The following SORBS2 variants were observed in gnomAD, a reference collection of about 807,000 sequenced individuals.
SORBS2 encodes the protein sorbin and SH3 domain-containing protein 2.
A neutral mutation model predicts 97.7 loss-of-function variants in SORBS2; 46 were observed. That is an observed-to-expected ratio of 0.47 (90% confidence interval 0.37 to 0.60). The LOEUF is 0.60. SORBS2 is among the 20% of genes least tolerant of loss of function. The pLI is 0.00. For missense variants in SORBS2, 1,316 were observed against 1,282.3 expected (o/e 1.03, Z -0.40); for synonymous variants, 476 against 473.4 (o/e 1.01, Z -0.07).
chr4:185,757,817 C>T (rs1327265150), intron 2 of SORBS2, among the ~76,000 whole-genome samples: 1 of 152,214 alleles, frequency 6.6e-6, no homozygotes, highest in African/African-American at 2.4e-5. Flanking sequence ...ATCTATACAA[C>T]TGGATGGAGA....
chr4:185,657,737 T>C (rs141221320), upstream of SORBS2: 1,018 of 765,768 alleles, frequency 1.3e-3, 5 homozygotes, highest in African/African-American at 0.016. Context: ...TTACTTTCCA[T>C]CTGAGCTGGT....
chr4:185,886,545 A>G (rs186348109), intron 1 of SORBS2, among the ~76,000 whole-genome samples: 58 of 122,338 alleles, frequency 4.7e-4, no homozygotes, highest in African/African-American at 1.7e-3. Context: ...ACAGAGCAAG[A>G]CTCTGTCTCA....
chr4:185,624,154 C>T (rs376629500), exon 7 of SORBS2: 5 of 1,614,270 alleles, frequency 3.1e-6, no homozygotes, highest in South Asian at 1.1e-5. Flanking sequence ...GGGACCCCCA[C>T]GCCATGGGGC....
intron 1 of SORBS2, among the ~76,000 whole-genome samples, chr4:185,831,281 G>A (rs981130228): frequency 6.6e-6 from 1 of 152,200 alleles, no homozygotes; most frequent in Non-Finnish European, 1.5e-5. Context: ...GGCAGAAGAA[G>A]AGCGGGTAGG....
intron 2 of SORBS2, among the ~76,000 whole-genome samples, chr4:185,688,496 A>T (rs62336140): frequency 7.8e-6 from 1 of 128,908 alleles, no homozygotes; most frequent in South Asian, 2.4e-4. Flanking sequence ...GTCTATTGAT[A>T]GATAGATAAA....
At chr4:185,784,172 C>T (rs562200404) in intron 1 of SORBS2, among the ~76,000 whole-genome samples, 23 of 152,180 alleles carry the variant, frequency 1.5e-4, no homozygotes, top group African/African-American at 5.5e-4. Flanking sequence ...GGATCTGTCG[C>T]CCAGGCTAGA....
intron 1 of SORBS2, among the ~76,000 whole-genome samples, chr4:185,886,156 T>C (rs907420414): frequency 4.6e-5 from 7 of 152,202 alleles, no homozygotes; most frequent in Non-Finnish European, 8.8e-5. Flanking sequence ...TAGTGACTTG[T>C]TCCCGGACTG....
intron 4 of SORBS2, among the ~76,000 whole-genome samples, chr4:185,642,007 T>C (rs2097134912): frequency 6.6e-6 from 1 of 152,212 alleles, no homozygotes; most frequent in Non-Finnish European, 1.5e-5. Context: ...CTATACGTTG[T>C]TCTAAACAAA....
At chr4:185,766,780 A>G (rs529434732) in intron 2 of SORBS2, among the ~76,000 whole-genome samples, 1 of 152,292 alleles carries the variant, frequency 6.6e-6, no homozygotes, top group East Asian at 1.9e-4. Context: ...ACCAATTCAG[A>G]TTTGTACTTG....
chr4:185,654,212 G>A (rs2097359380), intron 1 of SORBS2, among the ~76,000 whole-genome samples: 1 of 152,186 alleles, frequency 6.6e-6, no homozygotes, highest in African/African-American at 2.4e-5. Context: ...CAAAGGACGG[G>A]ACATGGTGGA....
chr4:185,594,253 G>A (rs1184635392), intron 12 of SORBS2, among the ~76,000 whole-genome samples: 2 of 152,072 alleles, frequency 1.3e-5, no homozygotes, highest in Admixed American at 6.6e-5. Flanking sequence ...GAACATAGAC[G>A]GCAAACCACT....
chr4:185,845,419 A>G (rs1372756826), intron 1 of SORBS2, among the ~76,000 whole-genome samples: 1 of 152,208 alleles, frequency 6.6e-6, no homozygotes. Context: ...TAAAATGGTA[A>G]TTTTAATATT....
Position 185,836,187 on chromosome 4 carries a change from AAAAG to A in SORBS2, c.-337-60825_-337-60822del, listed in dbSNP as rs1271869758. ...AAGAACCGATTTCTCATTTGCTTAA[AAAAG>A]AAGAATCATGGAGCGTTTTACAGAA... On this transcript the variant is annotated intron_variant, in intron 1 of 20. Transcript: ENST00000284776. Among the ~76,000 whole-genome samples, 4 of 152,310 alleles carry A rather than the reference AAAAG, an allele frequency of 2.6e-5. No individual in the cohort carries two copies. In the East Asian group the frequency reaches 7.7e-4, roughly 29 times the overall value.
intron 2 of SORBS2, among the ~76,000 whole-genome samples, chr4:185,758,756 C>T (rs747983316): frequency 2.6e-5 from 4 of 152,232 alleles, no homozygotes; most frequent in Non-Finnish European, 5.9e-5. Context: ...GGCCTCCTTG[C>T]TGTGCCTCAT....
intron 5 of SORBS2, 111 bp from the exon 18 acceptor site, chr4:185,627,130 C>T: frequency 2.4e-6 from 2 of 827,458 alleles, no homozygotes. Context: ...AAACCTCTAT[C>T]CCCAAAACTG....
chr4:185,609,338 C>T (rs1037006216), intron 12 of SORBS2, among the ~76,000 whole-genome samples: 2 of 152,190 alleles, frequency 1.3e-5, no homozygotes, highest in African/African-American at 4.8e-5. Flanking sequence ...CAGGTTTCCA[C>T]TTTCACTTTC....
intron 1 of SORBS2, among the ~76,000 whole-genome samples, chr4:185,821,025 C>T: frequency 6.6e-6 from 1 of 152,180 alleles, no homozygotes; most frequent in Admixed American, 6.5e-5. Context: ...CAAGAAGATC[C>T]GCATCAAGGG....
At chr4:185,658,828 G>A (rs1027360296), upstream of SORBS2, among the ~76,000 whole-genome samples, 7 of 151,152 alleles carry the variant, frequency 4.6e-5, no homozygotes, top group South Asian at 2.1e-4. Context: ...CTACAGGTGC[G>A]TGCCACCATG....
intron 2 of SORBS2, among the ~76,000 whole-genome samples, chr4:185,699,336 G>A (rs2098225333): frequency 6.8e-6 from 1 of 146,974 alleles, no homozygotes; most frequent in Non-Finnish European, 1.5e-5. Context: ...GGCCAGGGTG[G>A]AGTGCAGTGG....
Sources: allele counts gnomAD v4.1 joint callset (sites outside exome capture counted in the v4.1 genomes callset), GRCh38; gene constraint gnomAD v4.1.1; transcripts MANE v1.5; gene names NCBI Gene and HGNC (gene_info 2026-07-23, HGNC 2026-07-21).